Variants in GTPBP10 observed in about 807,000 individuals in gnomAD.
GTPBP10 encodes GTP binding protein 10.
In GTPBP10, 38 loss-of-function variants were observed where a neutral mutation model predicts 44.8. The ratio of observed to expected loss-of-function variants is 0.85; its 90% CI spans 0.65 to 1.11. GTPBP10 has a LOEUF of 1.11. GTPBP10 is among the 50% of genes most tolerant of loss of function. The pLI is 0.00. For missense variants in GTPBP10, 462 were observed against 453.7 expected, an observed-to-expected ratio of 1.02 and a Z score of -0.17; for synonymous variants, 152 against 150.6, an observed-to-expected ratio of 1.01 and a Z score of -0.07.
At chr7:90,348,610 CTT>C (rs1795727442) in intron 1 of GTPBP10, among the ~76,000 whole-genome samples, 1 of 135,766 alleles carries the variant, frequency 7.4e-6, no homozygotes, top group East Asian at 2.3e-4. Flanking sequence ...GTCTTGCTCT[CTT>C]GGGTGGCAGA....
intron 1 of GTPBP10, among the ~76,000 whole-genome samples, chr7:90,350,987 C>T (rs1234191615): frequency 6.6e-6 from 1 of 152,156 alleles, no homozygotes; most frequent in Non-Finnish European, 1.5e-5. Context: ...TGCAAGAGAA[C>T]TGTGAGAGAT....
chr7:90,364,507 G>A (rs1000581220), intron 4 of GTPBP10, among the ~76,000 whole-genome samples: 10 of 152,138 alleles, frequency 6.6e-5, no homozygotes, highest in Non-Finnish European at 1.3e-4. Context: ...TTCATCTCAG[G>A]GGTACCTGGC....
intron 4 of GTPBP10, among the ~76,000 whole-genome samples, chr7:90,364,571 C>T (rs192605125): frequency 2.0e-5 from 3 of 152,174 alleles, no homozygotes; most frequent in Admixed American, 6.5e-5. Flanking sequence ...TTAGGCTACT[C>T]GGGGATCAGG....
intron 4 of GTPBP10, among the ~76,000 whole-genome samples, chr7:90,368,695 A>T (rs935109633): frequency 6.6e-6 from 1 of 151,850 alleles, no homozygotes; most frequent in African/African-American, 2.4e-5. Flanking sequence ...CATTCGTCTA[A>T]CCTTTTTTGA....
At chr7:90,362,832 A>G (rs1258147315) in intron 4 of GTPBP10, among the ~76,000 whole-genome samples, 2 of 152,162 alleles carry the variant, frequency 1.3e-5, no homozygotes, top group Non-Finnish European at 2.9e-5. Context: ...TTGTGTGCAT[A>G]TGTATTTAGG....
intron 9 of GTPBP10, among the ~76,000 whole-genome samples, chr7:90,383,285 A>G (rs1796463831): frequency 6.6e-6 from 1 of 152,204 alleles, no homozygotes; most frequent in Non-Finnish European, 1.5e-5. Context: ...AAGGAGACAA[A>G]AGAAAGATTA....
intron 4 of GTPBP10, among the ~76,000 whole-genome samples, chr7:90,357,041 A>C (rs1391460855): frequency 6.6e-6 from 1 of 152,216 alleles, no homozygotes; most frequent in Non-Finnish European, 1.5e-5. Flanking sequence ...TACTATGAAT[A>C]CTAGCATAAG....
At chr7:90,360,813 G>T (rs775666065) in intron 4 of GTPBP10, among the ~76,000 whole-genome samples, 4 of 152,018 alleles carry the variant, frequency 2.6e-5, no homozygotes, top group African/African-American at 9.7e-5. Flanking sequence ...CTTTTATTTC[G>T]TTGAGCAGTG....
At chr7:90,379,561 T>G (rs1288250644) in intron 8 of GTPBP10, among the ~76,000 whole-genome samples, 1 of 152,212 alleles carries the variant, frequency 6.6e-6, no homozygotes, top group African/African-American at 2.4e-5. Context: ...TTGCCTTACC[T>G]CCAGGATTTT....
At chr7:90,377,469 C>T in intron 6 of GTPBP10, 38 bp from the exon 7 acceptor site, 1 of 1,399,294 alleles carries the variant, frequency 7.1e-7, no homozygotes, top group Non-Finnish European at 9.9e-7. Context: ...GGTTTTCATA[C>T]ATTTTCCTTT....
intron 7 of GTPBP10, chr7:90,377,847 T>C (rs1220994899): frequency 3.8e-6 from 1 of 265,656 alleles, no homozygotes; most frequent in Non-Finnish European, 5.8e-6. Flanking sequence ...TATAGTATCA[T>C]AGTATCTCTT....
intron 4 of GTPBP10, among the ~76,000 whole-genome samples, chr7:90,365,597 C>T (rs1358712710): frequency 4.0e-5 from 6 of 151,712 alleles, no homozygotes; most frequent in Non-Finnish European, 8.8e-5. Context: ...GGGATGGTCT[C>T]GATCTCCTGA....
At chr7:90,364,906 G>A (rs1302257718) in intron 4 of GTPBP10, among the ~76,000 whole-genome samples, 4 of 152,162 alleles carry the variant, frequency 2.6e-5, no homozygotes, top group South Asian at 2.1e-4. Flanking sequence ...GTGAAGCTCC[G>A]TGAGCGTGGG....
intron 4 of GTPBP10, among the ~76,000 whole-genome samples, chr7:90,363,050 C>G (rs1030965156): frequency 1.3e-5 from 2 of 151,922 alleles, no homozygotes; most frequent in African/African-American, 2.4e-5. Flanking sequence ...GATGGGTCTC[C>G]TAAATACAGC....
intron 1 of GTPBP10, among the ~76,000 whole-genome samples, chr7:90,351,840 CG>C (rs1795796626): frequency 6.6e-6 from 1 of 152,052 alleles, no homozygotes; most frequent in South Asian, 2.1e-4. Flanking sequence ...GGACTACAGG[CG>C]CCCGCCACCA....
At chr7:90,354,228 G>T (rs1411665914) in intron 2 of GTPBP10, among the ~76,000 whole-genome samples, 1 of 152,106 alleles carries the variant, frequency 6.6e-6, no homozygotes, top group Non-Finnish European at 1.5e-5. Flanking sequence ...GGTTAGCTTA[G>T]TAACTTAAAT....
In GTPBP10 at chr7:90,372,236, TA is replaced by T; in HGVS notation, c.538+10del. On this transcript the variant is annotated intron_variant, in intron 5 of 9. Coordinates refer to ENST00000222511, the MANE Select transcript of GTPBP10 (RefSeq NM_033107.4). ...CAATTGCAGATTACGCATGTAAGTGTAATTTGATTGTACATTTTAATGAGTG... is the reference window on the plus strand; with the variant it reads ...CAATTGCAGATTACGCATGTAAGTGTATTTGATTGTACATTTTAATGAGTG... 1 of 1,557,048 alleles carries T rather than the reference TA, an allele frequency of 6.4e-7. No homozygotes were observed. The highest frequency in any genetic ancestry group is 8.8e-7 in the Non-Finnish European group (1 of 1,133,960).
At chr7:90,372,085 T>G in intron 4 of GTPBP10, 70 bp from the exon 5 acceptor site, 1 of 890,746 alleles carries the variant, frequency 1.1e-6, no homozygotes, top group South Asian at 1.5e-5. Context: ...TCATGAAGTC[T>G]ACTTGAATTG....
At chr7:90,364,890 C>G (rs889016996) in intron 4 of GTPBP10, among the ~76,000 whole-genome samples, 12 of 152,292 alleles carry the variant, frequency 7.9e-5, no homozygotes, top group Admixed American at 2.0e-4. Flanking sequence ...GCTGTGCTAG[C>G]AATGAGTGAA....
Sources: allele counts gnomAD v4.1 joint callset (sites outside exome capture counted in the v4.1 genomes callset), GRCh38; gene constraint gnomAD v4.1.1; transcripts MANE v1.5; gene names NCBI Gene and HGNC (gene_info 2026-07-23, HGNC 2026-07-21).